The following RORA variants were observed in gnomAD, a reference collection of about 807,000 sequenced individuals.
RORA encodes nuclear receptor ROR-alpha.
A neutral mutation model predicts 69.5 loss-of-function variants in RORA; 7 were observed. The ratio of observed to expected loss-of-function variants is 0.10; its 90% CI spans 0.06 to 0.19. The LOEUF is 0.19. Among genes scored for constraint, RORA ranks in the 10% least tolerant of loss-of-function variants. RORA has a pLI of 1.00. For missense variants in RORA, 457 were observed against 663.0 expected (o/e 0.69, Z 3.41); for synonymous variants, 261 against 240.8 (o/e 1.08, Z -0.78).
At chr15:60,784,876 A>C (rs1365629129) in intron 1 of RORA, among the ~76,000 whole-genome samples, 1 of 152,182 alleles carries the variant, frequency 6.6e-6, no homozygotes, top group Non-Finnish European at 1.5e-5. Context: ...GTGCCTATAC[A>C]TACATGTTAA....
intron 2 of RORA, among the ~76,000 whole-genome samples, chr15:60,552,369 C>T (rs997840565): frequency 2.6e-5 from 4 of 152,174 alleles, no homozygotes; most frequent in Non-Finnish European, 4.4e-5. Context: ...GCCCTCTCCC[C>T]GCAAGTCACC....
chr15:60,570,413 T>G (rs1228445872), intron 2 of RORA, among the ~76,000 whole-genome samples: 1 of 152,162 alleles, frequency 6.6e-6, no homozygotes, highest in Non-Finnish European at 1.5e-5. Flanking sequence ...CACTGCAGAC[T>G]TGACTTCCCC....
At chr15:60,507,473 T>C (rs930835763) in intron 5 of RORA, among the ~76,000 whole-genome samples, 5 of 151,896 alleles carry the variant, frequency 3.3e-5, no homozygotes, top group East Asian at 1.9e-4. Flanking sequence ...TGGCAACACA[T>C]AGACACTAAA....
At chr15:60,906,512 G>A (rs555726559) in intron 1 of RORA, among the ~76,000 whole-genome samples, 50 of 152,328 alleles carry the variant, frequency 3.3e-4, no homozygotes, top group African/African-American at 1.1e-3. Flanking sequence ...CTGGCAGGGA[G>A]GTGGTCGCAG....
intron 1 of RORA, among the ~76,000 whole-genome samples, chr15:60,810,794 T>C (rs2072733221): frequency 6.6e-6 from 1 of 152,144 alleles, no homozygotes; most frequent in African/African-American, 2.4e-5. Context: ...CATTATATGC[T>C]TTCCTTAAAT....
chr15:60,834,811 C>G (rs1350027047), intron 1 of RORA, among the ~76,000 whole-genome samples: 1 of 152,138 alleles, frequency 6.6e-6, no homozygotes, highest in African/African-American at 2.4e-5. Flanking sequence ...GACCTAGGCC[C>G]AATGCCTCGA....
At chr15:60,942,414 C>T (rs1595833067) in intron 1 of RORA, among the ~76,000 whole-genome samples, 1 of 152,162 alleles carries the variant, frequency 6.6e-6, no homozygotes, top group Admixed American at 6.5e-5. Flanking sequence ...ACCAGGTTTC[C>T]GTTTTACGTT....
At chr15:61,054,408 A>T (rs1048857096) in intron 1 of RORA, among the ~76,000 whole-genome samples, 12 of 152,182 alleles carry the variant, frequency 7.9e-5, no homozygotes, top group African/African-American at 2.7e-4. Context: ...GTCTCAAATG[A>T]TACTGTGACT....
At chr15:60,948,309 T>G (rs1157575358) in intron 1 of RORA, among the ~76,000 whole-genome samples, 1 of 152,190 alleles carries the variant, frequency 6.6e-6, no homozygotes, top group African/African-American at 2.4e-5. Context: ...TGTCTCTGCT[T>G]TTTCTGGTGA....
chr15:60,868,789 T>C (rs368017700), intron 1 of RORA, among the ~76,000 whole-genome samples: 47 of 152,336 alleles, frequency 3.1e-4, no homozygotes, highest in African/African-American at 1.1e-3. Context: ...CAATTGGATA[T>C]TAAAGCATTT....
At chr15:61,002,721 C>T (rs1894781122) in intron 1 of RORA, among the ~76,000 whole-genome samples, 1 of 152,124 alleles carries the variant, frequency 6.6e-6, no homozygotes, top group Admixed American at 6.5e-5. Flanking sequence ...GTGAGCATTT[C>T]ATCCATGGAG....
At chr15:60,957,654 G>C (rs561067752) in intron 1 of RORA, among the ~76,000 whole-genome samples, 89 of 152,330 alleles carry the variant, frequency 5.8e-4, no homozygotes, top group African/African-American at 1.9e-3. Context: ...TTTTGAAATA[G>C]CCTGACTGGA....
intron 1 of RORA, among the ~76,000 whole-genome samples, chr15:60,899,296 C>T (rs1364964412): frequency 6.6e-6 from 1 of 152,184 alleles, no homozygotes; most frequent in Non-Finnish European, 1.5e-5. Context: ...ATTCAGCTAC[C>T]TGGGCATGTC....
intron 1 of RORA, among the ~76,000 whole-genome samples, chr15:61,088,955 T>G (rs2078664797): frequency 6.6e-6 from 1 of 152,144 alleles, no homozygotes; most frequent in South Asian, 2.1e-4. Context: ...CAAATACGAT[T>G]GACACTGTTC....
chr15:60,521,409 T>C (rs1304744822), intron 3 of RORA, among the ~76,000 whole-genome samples: 1 of 151,828 alleles, frequency 6.6e-6, no homozygotes, highest in African/African-American at 2.4e-5. Flanking sequence ...ACCGAGCTAA[T>C]TTTTGTATTT....
chr15:60,585,328 C>G (rs2076161255), intron 2 of RORA, among the ~76,000 whole-genome samples: 1 of 152,206 alleles, frequency 6.6e-6, no homozygotes. Context: ...CTTGTCGCTA[C>G]CTCATGCAGA....
Position 60,599,243 on chromosome 15 carries a change from C to T in RORA, c.197-67392G>A, listed in dbSNP as rs907148216. Among the ~76,000 whole-genome samples the T allele has an allele frequency of 5.3e-5, 8 of 152,224 alleles. No homozygotes were observed. The East Asian group carries it at 5.8e-4, about 11-fold the overall frequency. On this transcript the variant is annotated intron_variant, in intron 2 of 10. Transcript: ENST00000335670. ...AAAAATGAAGAGCCTCTTAGAAGGA[C>T]GATAGAACACAGTTGTAAAAGTACA...
rs973010411 is a variant in RORA, at chr15:60,640,659, GT to G, written c.196+37997del. Among the ~76,000 whole-genome samples the G allele has an allele frequency of 2.9e-4, 44 of 151,800 alleles. 1 individual carries two copies. Among genetic ancestry groups the G allele is most frequent in the African/African-American group, 1.0e-3 (42 of 41,324 alleles). The stretch of plus-strand genomic sequence containing the variant: ...TTTCCGGTTGTACTGGCCCTTTTCA[GT>G]TTCCAGAACACTCCAAGTTTATTTC... On this transcript the variant is annotated intron_variant, in intron 2 of 10. Coordinates refer to ENST00000335670, the MANE Select transcript of RORA (RefSeq NM_134261.3).
chr15:60,925,643 G>A (rs113190505), intron 1 of RORA, among the ~76,000 whole-genome samples: 3 of 152,360 alleles, frequency 2.0e-5, no homozygotes, highest in African/African-American at 7.2e-5. Flanking sequence ...CTGATACAGT[G>A]AATGATCATC....
Sources: allele counts gnomAD v4.1 joint callset (sites outside exome capture counted in the v4.1 genomes callset), GRCh38; gene constraint gnomAD v4.1.1; transcripts MANE v1.5; gene names NCBI Gene and HGNC (gene_info 2026-07-23, HGNC 2026-07-21).